ESCO2: variants seen among roughly 807,000 people sequenced by gnomAD.
The protein encoded by ESCO2 is establishment of sister chromatid cohesion N-acetyltransferase 2, also known as N-acetyltransferase ESCO2.
In ESCO2, 51 loss-of-function variants were observed where a neutral mutation model predicts 61.7. The ratio of observed to expected loss-of-function variants is 0.83; its 90% CI spans 0.66 to 1.04. The LOEUF (loss-of-function observed/expected upper bound fraction) is 1.04, where lower values mean the gene tolerates loss of function less well. ESCO2 is among the 50% of genes least tolerant of loss of function. The pLI, the probability that ESCO2 is intolerant of heterozygous loss-of-function variation, is 0.00. For missense variants in ESCO2, 692 were observed against 686.2 expected, an observed-to-expected ratio of 1.01 and a Z score of -0.09; for synonymous variants, 230 against 238.2, an observed-to-expected ratio of 0.97 and a Z score of 0.32.
At chr8:27,795,713 C>G (rs1193058583) in intron 9 of ESCO2, among the ~76,000 whole-genome samples, 1 of 152,082 alleles carries the variant, frequency 6.6e-6, no homozygotes, top group Non-Finnish European at 1.5e-5. Context: ...GAGTTCTTAT[C>G]ATGAAAGGAT....
At chr8:27,815,358 C>A (rs1249734097), downstream of ESCO2, among the ~76,000 whole-genome samples, 1 of 152,136 alleles carries the variant, frequency 6.6e-6, no homozygotes, top group Non-Finnish European at 1.5e-5. Context: ...GTACCCAGTA[C>A]CAGCAGGCAA....
At chr8:27,787,805 ACTCTGATAAATGG>A in intron 5 of ESCO2, 67 bp from the exon 6 acceptor site, 1 of 1,063,882 alleles carries the variant, frequency 9.4e-7, no homozygotes, top group Middle Eastern at 2.7e-4. Flanking sequence ...ATTGCAAGGT[ACTCTGATAAATGG>A]CTGCTTTCTT....
At chr8:27,813,629 T>G (rs560435953), downstream of ESCO2, among the ~76,000 whole-genome samples, 6 of 152,248 alleles carry the variant, frequency 3.9e-5, no homozygotes, top group East Asian at 1.9e-4. Flanking sequence ...TACCATTTTT[T>G]TGTGTGTGTG....
rs778526413 is a variant in ESCO2 at position 27,803,296 on chromosome 8, TCTC to T, written c.1674-9_1674-7del. The T allele has an allele frequency of 8.7e-6, 14 of 1,613,502 alleles. No homozygotes were observed. In the East Asian group the frequency reaches 2.5e-4, roughly 28 times the overall value. On this transcript the variant is annotated splice_polypyrimidine_tract_variant and splice_region_variant and intron_variant, in intron 10 of 10. Coordinates refer to ENST00000305188, the MANE Select transcript of ESCO2 (RefSeq NM_001017420.3). Reference sequence around the variant, plus strand: ...CTTCCATCATTAAATCATCTTTTCTTCTCTTTTAGGAATTGCTTCATGTTTGGC... The same window carrying T: ...CTTCCATCATTAAATCATCTTTTCTTTTTTAGGAATTGCTTCATGTTTGGC...
chr8:27,782,661 A>T (rs1804950498), intron 4 of ESCO2, among the ~76,000 whole-genome samples: 1 of 151,172 alleles, frequency 6.6e-6, no homozygotes, highest in East Asian at 1.9e-4. Flanking sequence ...TCTAAATGTG[A>T]TATATTTTCA....
Position 27,804,678 on chromosome 8 carries a change from C to T in ESCO2, c.*1240C>T. ...ATTGTAATTATATGTAGAAACTATT[C>T]ATCTGCATTCATTTTATTTGCCTGT... On this transcript the variant is annotated 3_prime_UTR_variant, in exon 11 of 11. Transcript: ENST00000305188. 1.0e-6 allele frequency: 1 copy of T among 985,408 alleles called. No individual in the cohort carries two copies. The highest frequency in any genetic ancestry group is 1.2e-6 in the Non-Finnish European group (1 of 829,912). The allele number at this position is 985,408 out of a possible 1,614,324, so 61.0% of individuals were successfully genotyped here.
chr8:27,795,146 C>G (rs1473208705), intron 9 of ESCO2, among the ~76,000 whole-genome samples: 1 of 152,192 alleles, frequency 6.6e-6, no homozygotes, highest in Non-Finnish European at 1.5e-5. Flanking sequence ...TTCTTTCAAG[C>G]CATGAACACT....
intron 3 of ESCO2, chr8:27,778,851 C>A (rs939598090): frequency 2.6e-5 from 4 of 152,316 alleles, no homozygotes. Flanking sequence ...GGGCTATGCT[C>A]TTTCAAGATT....
In ESCO2 at chr8:27,805,280, T is replaced by C. The variant is rs1805539036; in HGVS notation, c.*1842T>C. The C allele has an allele frequency of 1.8e-5, 1 of 55,118 alleles. No homozygotes were observed. The highest frequency in any genetic ancestry group is 3.2e-4 in the Admixed American group (1 of 3,082). The allele number at this position is 55,118 out of a possible 1,614,324, so 3.4% of individuals were successfully genotyped here. ...TCCGGCCTGGGCGACAGAGCGAGAC[T>C]CCGTCTCAAAAAAAAAAAAAAAAAA... is the stretch of plus-strand genomic sequence containing the variant. On this transcript the variant is annotated 3_prime_UTR_variant, in exon 11 of 11. Coordinates refer to ENST00000305188, the MANE Select transcript of ESCO2 (RefSeq NM_001017420.3).
intron 4 of ESCO2, among the ~76,000 whole-genome samples, chr8:27,783,732 C>G (rs76775425): frequency 6.6e-6 from 1 of 152,146 alleles, no homozygotes; most frequent in Non-Finnish European, 1.5e-5. Context: ...TGAGCCACCA[C>G]GCCTGGTCAT....
chr8:27,772,517 G>A (rs1349395792), upstream of ESCO2: 5 of 1,549,888 alleles, frequency 3.2e-6, no homozygotes, highest in Non-Finnish European at 4.4e-6. Flanking sequence ...ACTCACCGCT[G>A]CTGCTGGTGA....
intron 1 of ESCO2, 137 bp from the exon 2 acceptor site, chr8:27,775,362 A>G (rs1245179177): frequency 5.3e-6 from 4 of 750,520 alleles, no homozygotes; most frequent in South Asian, 3.0e-5. Context: ...GAGGGGTGGA[A>G]GGAGAGCAAT....
At chr8:27,788,404 T>G (rs1805096326) in intron 6 of ESCO2, among the ~76,000 whole-genome samples, 1 of 152,214 alleles carries the variant, frequency 6.6e-6, no homozygotes, top group Non-Finnish European at 1.5e-5. Flanking sequence ...ATCTTATTCT[T>G]TCTTAGAACC....
In ESCO2 at chr8:27,804,822, ATTTTATTTAAAATT is replaced by A; in HGVS notation, c.*1388_*1401del. The stretch of plus-strand genomic sequence containing the variant: ...TTTTCTGCACTTATTTCTTTTAAAT[ATTTTATTTAAAATT>A]TTTAATTAACATTTTGTTTGCTTAA... On this transcript the variant is annotated 3_prime_UTR_variant, in exon 11 of 11. Transcript: ENST00000305188. 1 of 927,290 alleles carries A rather than the reference ATTTTATTTAAAATT, an allele frequency of 1.1e-6. No individual in the cohort carries two copies. The highest frequency in any genetic ancestry group is 1.3e-6 in the Non-Finnish European group (1 of 776,910). The allele number at this position is 927,290 out of a possible 1,614,324, so 57.4% of individuals were successfully genotyped here.
At chr8:27,792,485 C>T (rs1171250478) in intron 8 of ESCO2, among the ~76,000 whole-genome samples, 183 bp from the exon 9 acceptor site, 3 of 152,042 alleles carry the variant, frequency 2.0e-5, no homozygotes, top group African/African-American at 4.8e-5. Flanking sequence ...TTCTTAAAAC[C>T]TTGTTTCCAC....
intron 3 of ESCO2, chr8:27,777,473 AT>A: frequency 4.7e-6 from 1 of 214,726 alleles, no homozygotes; most frequent in Non-Finnish European, 9.3e-6. Flanking sequence ...TAATTCTTGC[AT>A]TTTTTGTAGA....
At chr8:27,808,123 T>C (rs956199351), downstream of ESCO2, 2 of 576,244 alleles carry the variant, frequency 3.5e-6, no homozygotes, top group African/African-American at 2.0e-5. Context: ...ATAGCATTTT[T>C]TTATATATAG....
At position 27,794,891 on chromosome 8, in the gene ESCO2, T is replaced by A. The variant is rs1374904140; in HGVS notation, c.1497+2080T>A. 2.0e-5 allele frequency among the ~76,000 whole-genome samples: 3 copies of A among 152,240 alleles called. No individual in the cohort carries two copies. The South Asian group carries it at 6.2e-4, about 31-fold the overall frequency. On this transcript the variant is annotated intron_variant, in intron 9 of 10. Coordinates refer to ENST00000305188, the MANE Select transcript of ESCO2 (RefSeq NM_001017420.3). ...TTGTCAGACACCAGTTGACTCTAAA[T>A]GCCTGGATTTATTTTATCTGTTTTG...
intron 8 of ESCO2, 72 bp from the exon 9 acceptor site, chr8:27,792,596 T>G (rs1325077295): frequency 2.8e-6 from 4 of 1,427,654 alleles, no homozygotes; most frequent in Non-Finnish European, 3.9e-6. Flanking sequence ...ATACATTCTG[T>G]GTATATAAAT....
Sources: gnomAD v4.1 joint callset for allele counts (sites outside exome capture counted in the v4.1 genomes callset) on GRCh38, gnomAD v4.1.1 for gene constraint, MANE v1.5 for transcripts, NCBI Gene and HGNC (gene_info 2026-07-23, HGNC 2026-07-21) for gene names.